The following NMT2 variants were observed in gnomAD, a reference collection of about 807,000 sequenced individuals.
The protein encoded by NMT2 is glycylpeptide N-tetradecanoyltransferase 2.
A neutral mutation model predicts 65.4 loss-of-function variants in NMT2; 35 were observed. The observed-to-expected ratio is 0.54, with a 90% CI of 0.41 to 0.71. The LOEUF is 0.71. Among genes scored for constraint, NMT2 ranks in the 30% least tolerant of loss-of-function variants. NMT2 has a pLI of 0.00. For missense variants in NMT2, 489 were observed against 611.3 expected, an observed-to-expected ratio of 0.80 and a Z score of 2.11; for synonymous variants, 226 against 231.8, an observed-to-expected ratio of 0.98 and a Z score of 0.23.
At chr10:15,123,342 C>T (rs1845982422) in intron 8 of NMT2, among the ~76,000 whole-genome samples, 1 of 151,730 alleles carries the variant, frequency 6.6e-6, no homozygotes, top group Non-Finnish European at 1.5e-5. Flanking sequence ...GTCAAGAGAT[C>T]GAGACCATCC....
rs748684478 is a variant in NMT2 at position 15,135,427 on chromosome 10, G to A, written c.247-9C>T. On this transcript the variant is annotated splice_polypyrimidine_tract_variant and intron_variant, in intron 2 of 11. Transcript: ENST00000378165. Reference sequence around the variant, plus strand: ...ATTGGAACACTGGGATTCTACGACAGCAAAGACAGACACAGAATATGAGAG... The same window carrying A: ...ATTGGAACACTGGGATTCTACGACAACAAAGACAGACACAGAATATGAGAG... The A allele has an allele frequency of 1.9e-6, 3 of 1,613,404 alleles. No homozygotes were observed. Among genetic ancestry groups the A allele is most frequent in the Admixed American group, 1.7e-5 (1 of 59,896 alleles).
intron 9 of NMT2, among the ~76,000 whole-genome samples, chr10:15,119,040 C>T (rs992248740): frequency 5.3e-5 from 8 of 152,198 alleles, no homozygotes; most frequent in Non-Finnish European, 5.9e-5. Flanking sequence ...CGGTGCAAAG[C>T]AGTGCTGTGG....
intron 1 of NMT2, among the ~76,000 whole-genome samples, chr10:15,160,919 AAGAC>A (rs1564593580): frequency 6.6e-6 from 1 of 151,280 alleles, no homozygotes; most frequent in Non-Finnish European, 1.5e-5. Context: ...TTACCTATAA[AAGAC>A]AGAGAAGCAG....
chr10:15,148,734 T>C (rs1207367983), intron 1 of NMT2, among the ~76,000 whole-genome samples: 1 of 152,124 alleles, frequency 6.6e-6, no homozygotes, highest in African/African-American at 2.4e-5. Context: ...ATTGTATTCC[T>C]AGCACCGAAA....
At chr10:15,147,249 C>T (rs1588442538) in intron 1 of NMT2, among the ~76,000 whole-genome samples, 1 of 149,572 alleles carries the variant, frequency 6.7e-6, no homozygotes, top group African/African-American at 2.4e-5. Flanking sequence ...CTGTGAAATA[C>T]AAGAAACATT....
At chr10:15,136,072 C>A (rs542502366) in intron 2 of NMT2, among the ~76,000 whole-genome samples, 51 of 151,950 alleles carry the variant, frequency 3.4e-4, no homozygotes, top group Non-Finnish European at 5.2e-4. Context: ...TACAACAATA[C>A]AAAAATTAGC....
chr10:15,156,821 G>A (rs1216248941), intron 1 of NMT2, among the ~76,000 whole-genome samples: 3 of 151,972 alleles, frequency 2.0e-5, no homozygotes, highest in Non-Finnish European at 4.4e-5. Flanking sequence ...GCGTGAACCC[G>A]GGAGGCGGAG....
At chr10:15,139,411 A>G (rs1846648705) in intron 2 of NMT2, among the ~76,000 whole-genome samples, 1 of 152,178 alleles carries the variant, frequency 6.6e-6, no homozygotes. Context: ...ATAAGTGACC[A>G]GAGAGAGGGG....
intron 1 of NMT2, among the ~76,000 whole-genome samples, chr10:15,158,949 T>A (rs1171157082): frequency 1.3e-5 from 2 of 152,284 alleles, no homozygotes; most frequent in East Asian, 3.9e-4. Flanking sequence ...CCAGACACCA[T>A]CACGTTGGGG....
At position 15,112,796 on chromosome 10, in the gene NMT2, C is replaced by A; in HGVS notation, c.1338G>T (p.Ser446=). ...GCGTGAACAGGAAGGAGTGGCTTACCGATTTAGCCAGGATGAGCGCGTCGC... is the reference window on the plus strand; with the variant it reads ...GCGTGAACAGGAAGGAGTGGCTTACAGATTTAGCCAGGATGAGCGCGTCGC... ...LMSDALILAK[S]KGFDVFNALD... Residue 446 remains serine (S), a splice_region_variant and synonymous_variant, in exon 10 of 12, where the codon TCG becomes TCT. Coordinates refer to ENST00000378165, the MANE Select transcript of NMT2 (RefSeq NM_004808.3). The A allele has an allele frequency of 6.2e-7, 1 of 1,606,958 alleles. No individual in the cohort carries two copies. Among genetic ancestry groups the A allele is most frequent in the Non-Finnish European group, 8.5e-7 (1 of 1,176,530 alleles).
chr10:15,167,847 G>A (rs1054214646), intron 1 of NMT2, among the ~76,000 whole-genome samples: 5 of 152,222 alleles, frequency 3.3e-5, no homozygotes, highest in African/African-American at 1.2e-4. Flanking sequence ...GCGGGAGCCC[G>A]GTTCAGGGGA....
intron 7 of NMT2, 149 bp from the exon 8 acceptor site, chr10:15,128,607 G>A (rs943085073): frequency 4.0e-5 from 24 of 602,950 alleles, no homozygotes; most frequent in Middle Eastern, 4.4e-4. Flanking sequence ...CATTTTATCC[G>A]TCCAGTTTTA....
At chr10:15,145,695 A>T (rs747416442) in intron 1 of NMT2, among the ~76,000 whole-genome samples, 2 of 152,106 alleles carry the variant, frequency 1.3e-5, no homozygotes, top group Non-Finnish European at 2.9e-5. Context: ...GGTATGCTTT[A>T]AATGAGTGAA....
chr10:15,130,171 C>T lies in NMT2; in HGVS notation c.861G>A (p.Val287=), dbSNP rs1471187928. ...GIFQAVYTAG[V]VLPKPIATCR... Reference sequence around the variant, plus strand: ...ATGTGGCTATGGGCTTAGGAAGAACCACTCCCGCGGTGTACACAGCCTGGA... The same window carrying T: ...ATGTGGCTATGGGCTTAGGAAGAACTACTCCCGCGGTGTACACAGCCTGGA... Residue 287 remains valine (V), a synonymous_variant, in exon 7 of 12, where the codon GTG becomes GTA. Coordinates refer to ENST00000378165, the MANE Select transcript of NMT2 (RefSeq NM_004808.3). 2 of 1,558,566 alleles carry T rather than the reference C, an allele frequency of 1.3e-6. No individual in the cohort carries two copies. The highest frequency in any genetic ancestry group is 1.7e-6 in the Non-Finnish European group (2 of 1,152,094).
rs1167686972 is a variant in NMT2, at chr10:15,168,674, C to T, written c.-62G>A. The T allele has an allele frequency of 1.6e-6, 2 of 1,280,858 alleles. No homozygotes were observed. Among genetic ancestry groups the T allele is most frequent in the Non-Finnish European group, 1.1e-6 (1 of 930,958 alleles). 79.3% of individuals were successfully genotyped at this position (1,280,858 alleles called of 1,614,324 possible). A position where few individuals can be genotyped will look rare whatever the true frequency, so the allele number is the denominator to read the frequency against. Reference sequence around the variant, plus strand: ...CGGGCCGGAGCGGCCGCAGCTCCCTCTAGTGCCTCCCGCCGTACTGCTTGG... The same window carrying T: ...CGGGCCGGAGCGGCCGCAGCTCCCTTTAGTGCCTCCCGCCGTACTGCTTGG... On this transcript the variant is annotated 5_prime_UTR_variant, in exon 1 of 12. Transcript: ENST00000378165.
intron 8 of NMT2, among the ~76,000 whole-genome samples, chr10:15,127,157 C>T (rs994731789): frequency 7.9e-5 from 12 of 152,216 alleles, no homozygotes; most frequent in Admixed American, 2.6e-4. Flanking sequence ...ACTGTTTGAA[C>T]CCGGGAGGCG....
intron 6 of NMT2, among the ~76,000 whole-genome samples, chr10:15,131,085 C>T (rs1257290593): frequency 4.6e-5 from 7 of 152,026 alleles, no homozygotes. Context: ...ACCCACCGCA[C>T]CTGGCCTGAA....
chr10:15,162,995 G>A (rs1199145549), intron 1 of NMT2, among the ~76,000 whole-genome samples: 1 of 151,702 alleles, frequency 6.6e-6, no homozygotes, highest in Non-Finnish European at 1.5e-5. Flanking sequence ...ACAGTAGTGC[G>A]ATCACAGCTC....
chr10:15,132,909 G>C lies in NMT2; in HGVS notation c.627C>G (p.Leu209=), dbSNP rs1235113735. 2 of 1,613,252 alleles carry C rather than the reference G, an allele frequency of 1.2e-6. No homozygotes were observed. The highest frequency in any genetic ancestry group is 1.7e-5 in the Admixed American group (1 of 59,886). Residue 209 remains leucine, a synonymous_variant, in exon 6 of 12, where the codon CTC becomes CTG. Coordinates refer to ENST00000378165, the MANE Select transcript of NMT2 (RefSeq NM_004808.3). The part of the protein sequence containing the change: ...LLWALRPPGW[L]LQWHCGVRVS... ...CTCTGACCCCACAGTGCCACTGCAG[G>C]AGCCAGCCTGGTGGACGCAGAGCCC...
Sources: gnomAD v4.1 joint callset for allele counts (sites outside exome capture counted in the v4.1 genomes callset) on GRCh38, gnomAD v4.1.1 for gene constraint, MANE v1.5 for transcripts, NCBI Gene and HGNC (gene_info 2026-07-23, HGNC 2026-07-21) for gene names.